The following NEK7 variants were observed in gnomAD, a reference collection of about 807,000 sequenced individuals.
NEK7 encodes serine/threonine-protein kinase Nek7.
NEK7 carries 18 observed loss-of-function variants against 44.6 expected under a neutral mutation model. The observed-to-expected ratio is 0.40, with a 90% CI of 0.28 to 0.60. The LOEUF (loss-of-function observed/expected upper bound fraction) is 0.60, where lower values mean the gene tolerates loss of function less well. Ranked by LOEUF, NEK7 falls within the 20% of genes least tolerant of loss-of-function variation. The pLI is 0.38. For missense variants in NEK7, 256 were observed against 366.5 expected (o/e 0.70, Z 2.46); for synonymous variants, 130 against 121.1 (o/e 1.07, Z -0.48).
chr1:198,225,318 G>A (rs1666185737), intron 1 of NEK7, among the ~76,000 whole-genome samples: 2 of 151,636 alleles, frequency 1.3e-5, no homozygotes, highest in Non-Finnish European at 1.5e-5. Context: ...AATAGAAAAG[G>A]GAACTTAGAA....
chr1:198,228,772 A>AT (rs1284579045), intron 1 of NEK7, among the ~76,000 whole-genome samples: 1 of 152,198 alleles, frequency 6.6e-6, no homozygotes, highest in Non-Finnish European at 1.5e-5. Context: ...TTTTGGGCTG[A>AT]GACAATGGGG....
intron 1 of NEK7, among the ~76,000 whole-genome samples, chr1:198,231,301 GTA>G (rs749263549): frequency 0.3 from 26,206 of 86,202 alleles, 3,022 homozygotes; most frequent in Middle Eastern, 0.39. Flanking sequence ...ATGTGTGTGT[GTA>G]TATATATATA....
At chr1:198,292,190 T>C (rs1021831480) in intron 7 of NEK7, among the ~76,000 whole-genome samples, 1 of 152,080 alleles carries the variant, frequency 6.6e-6, no homozygotes, top group Admixed American at 6.6e-5. Context: ...GTGTAACATA[T>C]ATGCTTTTGT....
At chr1:198,173,100 G>A (rs1320719480) in intron 1 of NEK7, among the ~76,000 whole-genome samples, 1 of 152,076 alleles carries the variant, frequency 6.6e-6, no homozygotes, top group Non-Finnish European at 1.5e-5. Flanking sequence ...GTCTAAAGAA[G>A]GTGTGTTGGG....
intron 5 of NEK7, among the ~76,000 whole-genome samples, chr1:198,266,909 C>T (rs1558086497): frequency 6.6e-6 from 1 of 152,066 alleles, no homozygotes; most frequent in South Asian, 2.1e-4. Context: ...CTTTTCTACT[C>T]TTCAAAGTTG....
At chr1:198,297,818 G>A (rs1654758177) in intron 9 of NEK7, among the ~76,000 whole-genome samples, 1 of 152,106 alleles carries the variant, frequency 6.6e-6, no homozygotes, top group Non-Finnish European at 1.5e-5. Flanking sequence ...ATGTTTCGAG[G>A]TTATCATTGT....
intron 9 of NEK7, among the ~76,000 whole-genome samples, chr1:198,303,675 TTG>T (rs1654949806): frequency 6.6e-6 from 1 of 152,114 alleles, no homozygotes; most frequent in South Asian, 2.1e-4. Flanking sequence ...TTAACCACAG[TTG>T]TTTAAGTTGG....
chr1:198,277,570 C>G (rs1481590651), intron 5 of NEK7: 1 of 154,346 alleles, frequency 6.5e-6, no homozygotes, highest in Non-Finnish European at 1.4e-5. Flanking sequence ...GTAGTGAAAC[C>G]TTCTGCCAGG....
intron 2 of NEK7, among the ~76,000 whole-genome samples, chr1:198,239,820 C>A (rs193296816): frequency 2.6e-5 from 4 of 152,230 alleles, no homozygotes; most frequent in African/African-American, 7.2e-5. Flanking sequence ...CAGGCAAGTT[C>A]TTTGTTTTGC....
chr1:198,255,138 C>T (rs1483319941), intron 3 of NEK7, among the ~76,000 whole-genome samples: 1 of 152,088 alleles, frequency 6.6e-6, no homozygotes, highest in African/African-American at 2.4e-5. Flanking sequence ...GGAACTTAAG[C>T]CAGGCTATAA....
At chr1:198,271,944 T>C (rs965539010) in intron 5 of NEK7, among the ~76,000 whole-genome samples, 5 of 142,474 alleles carry the variant, frequency 3.5e-5, no homozygotes, top group East Asian at 2.1e-4. Context: ...CACACACACA[T>C]AGATACATTT....
At chr1:198,274,031 G>T (rs1457035756) in intron 5 of NEK7, among the ~76,000 whole-genome samples, 1 of 151,216 alleles carries the variant, frequency 6.6e-6, no homozygotes, top group Non-Finnish European at 1.5e-5. Flanking sequence ...GATATGGATT[G>T]TGTTAGTGGC....
At chr1:198,293,135 A>G (rs993984477) in intron 8 of NEK7, 96 bp downstream of exon 8, 4 of 640,992 alleles carry the variant, frequency 6.2e-6, no homozygotes, top group Non-Finnish European at 1.1e-5. Context: ...CTGGATGTTT[A>G]AGAATCACCT....
chr1:198,240,662 A>G (rs1479264710), intron 2 of NEK7, among the ~76,000 whole-genome samples: 2 of 151,844 alleles, frequency 1.3e-5, no homozygotes, highest in Non-Finnish European at 1.5e-5. Context: ...TTTTTGACCA[A>G]AATGAGATAT....
At chr1:198,313,930 G>A (rs1375016600) in intron 9 of NEK7, among the ~76,000 whole-genome samples, 1 of 151,770 alleles carries the variant, frequency 6.6e-6, no homozygotes, top group Non-Finnish European at 1.5e-5. Context: ...CTCTTCTCGA[G>A]GAGTATCTTT....
chr1:198,267,836 T>A (rs1049807279), intron 5 of NEK7, among the ~76,000 whole-genome samples: 1 of 152,028 alleles, frequency 6.6e-6, no homozygotes, highest in African/African-American at 2.4e-5. Context: ...ATTACTACCC[T>A]AGTTCTTTTT....
At chr1:198,296,377 C>A (rs745380878) in intron 8 of NEK7, among the ~76,000 whole-genome samples, 12 of 151,966 alleles carry the variant, frequency 7.9e-5, no homozygotes, top group Admixed American at 3.3e-4. Context: ...ACAGTACTTG[C>A]TTGCACTTTA....
At chr1:198,203,975 C>T (rs565750807) in intron 1 of NEK7, among the ~76,000 whole-genome samples, 56 of 152,198 alleles carry the variant, frequency 3.7e-4, no homozygotes, top group Middle Eastern at 6.8e-3. Context: ...GAGATGAGAG[C>T]GGCCAGTTGC....
At chr1:198,214,871 A>G (rs1358604863) in intron 1 of NEK7, among the ~76,000 whole-genome samples, 4 of 152,198 alleles carry the variant, frequency 2.6e-5, no homozygotes, top group African/African-American at 4.8e-5. Flanking sequence ...ATCAAGGCAT[A>G]TAGTCATTAG....
Sources: gnomAD v4.1 joint callset for allele counts (sites outside exome capture counted in the v4.1 genomes callset) on GRCh38, gnomAD v4.1.1 for gene constraint, MANE v1.5 for transcripts, NCBI Gene and HGNC (gene_info 2026-07-23, HGNC 2026-07-21) for gene names.